OSBPL9: variants seen among roughly 807,000 people sequenced by gnomAD.
OSBPL9 encodes oxysterol binding protein like 9, also known as oxysterol-binding protein-related protein 9.
In OSBPL9, 40 loss-of-function variants were observed where a neutral mutation model predicts 106.6. The observed-to-expected ratio is 0.38, with a 90% CI of 0.29 to 0.49. OSBPL9 has a LOEUF of 0.49. OSBPL9 is among the 20% of genes least tolerant of loss of function. The pLI is 0.97. For synonymous variants in OSBPL9, 269 were observed against 295.4 expected (o/e 0.91, Z 0.92); for missense variants, 609 against 887.2 (o/e 0.69, Z 3.98).
At chr1:51,741,557 TTCTC>T (rs1231345042) in intron 4 of OSBPL9, among the ~76,000 whole-genome samples, 2 of 150,384 alleles carry the variant, frequency 1.3e-5, no homozygotes, top group Non-Finnish European at 1.5e-5. Context: ...CAACCTCTCT[TTCTC>T]TCTCTTTCTT....
chr1:51,572,113 G>A, the OSBPL9 span, among the ~76,000 whole-genome samples: 2 of 152,156 alleles, frequency 1.3e-5, no homozygotes, highest in Admixed American at 1.3e-4. Context: ...GTTTTCCAGA[G>A]TGGATTTAAA....
intron 3 of OSBPL9, among the ~76,000 whole-genome samples, chr1:51,693,050 A>C (rs76897996): frequency 0.013 from 1,938 of 152,190 alleles, 40 homozygotes; most frequent in African/African-American, 0.042. Context: ...ACTACCAATT[A>C]GTTGCTAAGA....
chr1:51,531,009 C>T, the OSBPL9 span, among the ~76,000 whole-genome samples: 1 of 151,716 alleles, frequency 6.6e-6, no homozygotes, highest in South Asian at 2.1e-4. Flanking sequence ...TGCGGTGGCT[C>T]ATGCCTGTAA....
chr1:51,788,049 CA>C lies in OSBPL9; in HGVS notation c.*263del. The C allele has an allele frequency of 2.1e-6, 1 of 473,864 alleles. No homozygotes were observed. The highest frequency in any genetic ancestry group is 3.7e-5 in the East Asian group (1 of 27,270). 29.4% of individuals were successfully genotyped at this position (473,864 alleles called of 1,614,324 possible). On this transcript the variant is annotated 3_prime_UTR_variant, in exon 24 of 24. Transcript: ENST00000428468. ...AATCAGATGATGTCTTCTCCTTTTC[CA>C]AACACCACACGTTGAAAGCATTTAT... is the stretch of plus-strand genomic sequence containing the variant.
At chr1:51,784,377 A>G (rs543751189) in intron 19 of OSBPL9, 50 bp downstream of exon 19, 2 of 1,610,870 alleles carry the variant, frequency 1.2e-6, no homozygotes, top group East Asian at 2.2e-5. Flanking sequence ...CTGTTCCTTG[A>G]GACATGCCCC....
chr1:51,608,067 T>C (rs142366631), intron 2 of OSBPL9, among the ~76,000 whole-genome samples: 2 of 152,342 alleles, frequency 1.3e-5, no homozygotes, highest in East Asian at 3.9e-4. Context: ...ACTGAAGTTG[T>C]GCATATGCTC....
the OSBPL9 span, among the ~76,000 whole-genome samples, chr1:51,560,237 G>C: frequency 6.6e-6 from 1 of 152,342 alleles, no homozygotes; most frequent in African/African-American, 2.4e-5. Flanking sequence ...GGTGGCTGTG[G>C]CTTCCAGAGG....
At chr1:51,697,432 C>G (rs945359510) in intron 3 of OSBPL9, among the ~76,000 whole-genome samples, 1 of 148,848 alleles carries the variant, frequency 6.7e-6, no homozygotes, top group African/African-American at 2.5e-5. Context: ...GAAAAGGAGG[C>G]CTTCCTGATT....
chr1:51,725,239 A>G (rs886508728), intron 4 of OSBPL9, among the ~76,000 whole-genome samples: 1 of 150,910 alleles, frequency 6.6e-6, no homozygotes, highest in African/African-American at 2.4e-5. Flanking sequence ...GGCAGTCTTC[A>G]TTTCTGTTAC....
At chr1:51,575,094 T>C (rs1645175299), upstream of OSBPL9, among the ~76,000 whole-genome samples, 1 of 152,254 alleles carries the variant, frequency 6.6e-6, no homozygotes, top group South Asian at 2.1e-4. Context: ...CAGGGCAATT[T>C]GGCAGCTTGA....
intron 11 of OSBPL9, among the ~76,000 whole-genome samples, chr1:51,764,068 G>T (rs537331982): frequency 6.6e-6 from 1 of 152,216 alleles, no homozygotes; most frequent in Admixed American, 6.5e-5. Flanking sequence ...TTAAATTCCT[G>T]TGATTTATAT....
At chr1:51,586,468 G>C (rs1210630661) in intron 1 of OSBPL9, among the ~76,000 whole-genome samples, 2 of 152,018 alleles carry the variant, frequency 1.3e-5, no homozygotes, top group African/African-American at 4.8e-5. Context: ...GGGCATTTAG[G>C]TTTGTCTCCA....
intron 3 of OSBPL9, among the ~76,000 whole-genome samples, chr1:51,689,383 T>C (rs1654506807): frequency 6.6e-6 from 1 of 152,162 alleles, no homozygotes; most frequent in South Asian, 2.1e-4. Flanking sequence ...TTTCCTTTCA[T>C]TGACTTACTC....
chr1:51,777,346 A>C (rs1292236657), intron 15 of OSBPL9, among the ~76,000 whole-genome samples: 2 of 152,256 alleles, frequency 1.3e-5, no homozygotes, highest in Non-Finnish European at 2.9e-5. Flanking sequence ...TTGAGCTTAC[A>C]ATATAGTATC....
At chr1:51,769,469 C>T (rs753376105) in intron 12 of OSBPL9, among the ~76,000 whole-genome samples, 6 of 152,254 alleles carry the variant, frequency 3.9e-5, no homozygotes, top group Admixed American at 1.3e-4. Context: ...ATTGAACCTC[C>T]GAGCGTCTGT....
chr1:51,638,063 A>G lies in OSBPL9; in HGVS notation c.112-13928A>G, dbSNP rs148677270. Among the ~76,000 whole-genome samples the G allele has an allele frequency of 3.4e-4, 51 of 152,226 alleles. 1 individual carries two copies. The East Asian group carries it at 8.5e-3, about 25-fold the overall frequency. On this transcript the variant is annotated intron_variant, in intron 1 of 23. Coordinates refer to ENST00000428468, the MANE Select transcript of OSBPL9 (RefSeq NM_024586.6). ...ATCTTGTATATATCTCTGTTTTGAT[A>G]TATGTCTCTTTTCTTTAAGGGAAGG...
At position 51,729,457 on chromosome 1, in the gene OSBPL9, G is replaced by A. The variant is rs1428651135; in HGVS notation, c.318+15378G>A. 2 of 152,598 alleles carry A rather than the reference G, an allele frequency of 1.3e-5. No homozygotes were observed. The highest frequency in any genetic ancestry group is 1.9e-4 in the East Asian group (1 of 5,196). 9.5% of individuals were successfully genotyped at this position (152,598 alleles called of 1,614,324 possible). On this transcript the variant is annotated intron_variant, in intron 4 of 23. Coordinates refer to ENST00000428468, the MANE Select transcript of OSBPL9 (RefSeq NM_024586.6). This position sits in a 1 kb window ranked among gnomAD's most constrained non-coding sequence, Gnocchi z 5.1. ...CCGCGGGGCTGAAGCCCCGAAACCA[G>A]GCTGAGCGTCCCAGAGCGCAACCTC... is the stretch of plus-strand genomic sequence containing the variant.
upstream of OSBPL9, among the ~76,000 whole-genome samples, chr1:51,575,367 A>ATT (rs66865959): frequency 2.0e-4 from 28 of 141,366 alleles, no homozygotes; most frequent in African/African-American, 4.7e-4. Flanking sequence ...CACCCGGCTA[A>ATT]TTTTTTTTTT....
At chr1:51,636,325 T>A (rs1645447413) in intron 1 of OSBPL9, among the ~76,000 whole-genome samples, 1 of 151,422 alleles carries the variant, frequency 6.6e-6, no homozygotes, top group South Asian at 2.1e-4. Flanking sequence ...CTCTCCTGGA[T>A]GCCACTTCAT....
Sources: gnomAD v4.1 joint callset for allele counts (sites outside exome capture counted in the v4.1 genomes callset) on GRCh38, gnomAD v4.1.1 for gene constraint, Gnocchi (gnomAD v3.1) non-coding constraint, MANE v1.5 for transcripts, NCBI Gene and HGNC (gene_info 2026-07-23, HGNC 2026-07-21) for gene names.